The following ANO3 variants were observed in gnomAD, a reference collection of about 807,000 sequenced individuals.
The protein encoded by ANO3 is anoctamin 3.
In ANO3, 99 loss-of-function variants were observed where a neutral mutation model predicts 144.8. That is an observed-to-expected ratio of 0.68 (90% CI 0.58 to 0.81). The LOEUF (loss-of-function observed/expected upper bound fraction) is 0.81. Among genes scored for constraint, ANO3 ranks in the 30% least tolerant of loss-of-function variants. ANO3 has a pLI of 0.00. For missense variants in ANO3, 905 were observed against 1,202.2 expected, an observed-to-expected ratio of 0.75 and a Z score of 3.66; for synonymous variants, 414 against 392.6, an observed-to-expected ratio of 1.05 and a Z score of -0.64.
intron 17 of ANO3, among the ~76,000 whole-genome samples, chr11:26,620,059 A>C (rs1409723266): frequency 6.6e-6 from 1 of 152,212 alleles, no homozygotes; most frequent in Non-Finnish European, 1.5e-5. Context: ...CTACAAAGAC[A>C]GAATTTGAAA....
intron 1 of ANO3, among the ~76,000 whole-genome samples, chr11:26,395,641 C>A (rs559938884): frequency 1.5e-4 from 23 of 152,028 alleles, no homozygotes; most frequent in Non-Finnish European, 2.6e-4. Flanking sequence ...AATAATCCCA[C>A]ACATCTACAA....
intron 4 of ANO3, among the ~76,000 whole-genome samples, chr11:26,471,796 C>T (rs1020655403): frequency 1.3e-5 from 2 of 151,838 alleles, no homozygotes; most frequent in Admixed American, 6.6e-5. Flanking sequence ...TTTAGGAAGT[C>T]GTATTTCATA....
At chr11:26,342,816 T>C (rs1855399244) in intron 1 of ANO3, among the ~76,000 whole-genome samples, 1 of 152,092 alleles carries the variant, frequency 6.6e-6, no homozygotes, top group Non-Finnish European at 1.5e-5. Flanking sequence ...CACACTTTTA[T>C]CACTTTATTT....
chr11:26,514,746 G>C (rs894003980), intron 5 of ANO3, among the ~76,000 whole-genome samples: 4 of 152,050 alleles, frequency 2.6e-5, no homozygotes, highest in African/African-American at 7.2e-5. Flanking sequence ...TAAGCATAAA[G>C]CAGGAAAATG....
chr11:26,558,403 T>C (rs1273912525), intron 13 of ANO3, among the ~76,000 whole-genome samples: 1 of 152,102 alleles, frequency 6.6e-6, no homozygotes, highest in Non-Finnish European at 1.5e-5. Flanking sequence ...TTCAGCAGCC[T>C]CAGGTGTCTC....
chr11:26,449,439 G>T (rs1175126414), intron 3 of ANO3, among the ~76,000 whole-genome samples: 1 of 151,692 alleles, frequency 6.6e-6, no homozygotes, highest in Non-Finnish European at 1.5e-5. Context: ...ACAAATGGAT[G>T]AAAGAGCATT....
intron 3 of ANO3, among the ~76,000 whole-genome samples, chr11:26,448,079 C>A (rs1200948240): frequency 6.6e-6 from 1 of 152,088 alleles, no homozygotes; most frequent in East Asian, 1.9e-4. Context: ...GCAGGTGGAT[C>A]ACCTGAGGTC....
chr11:26,574,869 G>A (rs898634657), intron 14 of ANO3, among the ~76,000 whole-genome samples: 2 of 151,996 alleles, frequency 1.3e-5, no homozygotes, highest in African/African-American at 4.8e-5. Context: ...TTAAGCAGAG[G>A]TTATGATATT....
chr11:26,541,197 G>A lies in ANO3; in HGVS notation c.1033-750G>A, dbSNP rs572823040. On this transcript the variant is annotated intron_variant, in intron 10 of 26. Transcript: ENST00000256737. ...ATTCTCAGCAAACTAACACAGGAAC[G>A]GAAAACGAAACACCCCATGTTCTCA... Among the ~76,000 whole-genome samples, 31 of 152,114 alleles carry A rather than the reference G, an allele frequency of 2.0e-4. No individual in the cohort carries two copies. The South Asian group carries it at 2.3e-3, about 11-fold the overall frequency.
intron 14 of ANO3, among the ~76,000 whole-genome samples, chr11:26,591,015 A>T (rs985296223): frequency 1.3e-5 from 2 of 152,128 alleles, no homozygotes; most frequent in Admixed American, 6.5e-5. Context: ...CTCAGGCAAT[A>T]TATGATTTGA....
At chr11:26,228,953 A>T (rs1392082485) in intron 1 of ANO3, among the ~76,000 whole-genome samples, 2 of 152,230 alleles carry the variant, frequency 1.3e-5, no homozygotes, top group African/African-American at 4.8e-5. Context: ...AATTCTGACC[A>T]TGTAAGAAAA....
At chr11:26,440,577 C>T (rs1190833311) in intron 1 of ANO3, among the ~76,000 whole-genome samples, 1 of 151,998 alleles carries the variant, frequency 6.6e-6, no homozygotes, top group Non-Finnish European at 1.5e-5. Flanking sequence ...TGAACTGAGA[C>T]AGGCAATTAG....
chr11:26,369,039 C>T (rs973878857), intron 1 of ANO3, among the ~76,000 whole-genome samples: 4 of 151,896 alleles, frequency 2.6e-5, no homozygotes, highest in Admixed American at 2.0e-4. Flanking sequence ...TTGACAAGGT[C>T]TATATTCATA....
At chr11:26,457,343 AAAG>A (rs1859207120) in intron 3 of ANO3, among the ~76,000 whole-genome samples, 1 of 151,458 alleles carries the variant, frequency 6.6e-6, no homozygotes, top group Non-Finnish European at 1.5e-5. Flanking sequence ...TGAAAAAAAA[AAAG>A]AAAACAGATT....
At chr11:26,404,939 G>A (rs1358379391) in intron 1 of ANO3, among the ~76,000 whole-genome samples, 2,089 of 13,596 alleles carry the variant, frequency 0.15, 50 homozygotes, top group African/African-American at 0.18. Flanking sequence ...ATATATGTGT[G>A]TGTGTGTGTG....
At chr11:26,255,500 G>C (rs1460017730) in intron 1 of ANO3, among the ~76,000 whole-genome samples, 1 of 152,018 alleles carries the variant, frequency 6.6e-6, no homozygotes, top group African/African-American at 2.4e-5. Flanking sequence ...ACTCTACAAT[G>C]TTTTCCATAC....
chr11:26,413,454 C>A (rs1337708149), intron 1 of ANO3, among the ~76,000 whole-genome samples: 1 of 151,926 alleles, frequency 6.6e-6, no homozygotes, highest in East Asian at 1.9e-4. Flanking sequence ...TTAGAATTGT[C>A]TAATTTTTCA....
intron 1 of ANO3, among the ~76,000 whole-genome samples, chr11:26,410,584 G>C (rs1857403710): frequency 6.6e-6 from 1 of 151,978 alleles, no homozygotes; most frequent in Non-Finnish European, 1.5e-5. Context: ...AACATCTTTA[G>C]TTTAATGAGG....
chr11:26,273,303 C>G (rs1350347807), intron 1 of ANO3, among the ~76,000 whole-genome samples: 5 of 150,910 alleles, frequency 3.3e-5, no homozygotes, highest in African/African-American at 1.2e-4. Context: ...CGAAGGCATC[C>G]AAGTGGTCTA....
Sources: gnomAD v4.1 joint callset for allele counts (sites outside exome capture counted in the v4.1 genomes callset) on GRCh38, gnomAD v4.1.1 for gene constraint, MANE v1.5 for transcripts, NCBI Gene and HGNC (gene_info 2026-07-23, HGNC 2026-07-21) for gene names.